The following NRG3 variants were observed in gnomAD, a reference collection of about 807,000 sequenced individuals.
NRG3 encodes the protein pro-neuregulin-3, membrane-bound isoform.
A neutral mutation model predicts 66.9 loss-of-function variants in NRG3; 31 were observed. That is an observed-to-expected ratio of 0.46 (90% CI 0.35 to 0.63). The LOEUF is 0.63. Among genes scored for constraint, NRG3 ranks in the 20% least tolerant of loss-of-function variants. The pLI is 0.00. For synonymous variants in NRG3, 393 were observed against 359.4 expected, an observed-to-expected ratio of 1.09 and a Z score of -1.06; for missense variants, 910 against 878.9, an observed-to-expected ratio of 1.04 and a Z score of -0.45.
intron 4 of NRG3, among the ~76,000 whole-genome samples, chr10:82,947,888 G>T (rs1849163918): frequency 6.6e-6 from 1 of 151,994 alleles, no homozygotes; most frequent in South Asian, 2.1e-4. Flanking sequence ...TCATAATGGT[G>T]TCTTTGAAGA....
At chr10:82,775,618 T>C (rs1054146899) in intron 3 of NRG3, among the ~76,000 whole-genome samples, 5 of 152,124 alleles carry the variant, frequency 3.3e-5, no homozygotes, top group African/African-American at 1.2e-4. Context: ...GTCTATTAGG[T>C]CAATTTGGTC....
intron 4 of NRG3, among the ~76,000 whole-genome samples, chr10:82,946,179 C>T (rs1372233230): frequency 2.0e-5 from 3 of 149,552 alleles, no homozygotes; most frequent in Admixed American, 6.7e-5. Flanking sequence ...TAGTGCAAGG[C>T]TCTTTGAACT....
intron 1 of NRG3, among the ~76,000 whole-genome samples, chr10:82,155,279 A>G (rs565725576): frequency 1.3e-5 from 2 of 151,922 alleles, no homozygotes; most frequent in South Asian, 4.1e-4. Flanking sequence ...GAAAAGGTCA[A>G]ATTACATTAA....
intron 1 of NRG3, among the ~76,000 whole-genome samples, chr10:82,199,806 A>T (rs977804070): frequency 6.6e-6 from 1 of 151,348 alleles, no homozygotes; most frequent in Non-Finnish European, 1.5e-5. Flanking sequence ...TAATTTCCAG[A>T]TTACATTTCT....
At chr10:82,807,198 A>G (rs1302192441) in intron 3 of NRG3, among the ~76,000 whole-genome samples, 4 of 152,194 alleles carry the variant, frequency 2.6e-5, no homozygotes, top group African/African-American at 9.6e-5. Context: ...GTCAAAGTAC[A>G]TAAAAAGACA....
chr10:82,499,891 AAG>A (rs2132330209), intron 2 of NRG3, among the ~76,000 whole-genome samples: 1 of 152,330 alleles, frequency 6.6e-6, no homozygotes, highest in East Asian at 1.9e-4. Context: ...TAATCTAACA[AAG>A]AGTTCTTGTG....
At chr10:82,758,445 G>A (rs1441033924) in intron 3 of NRG3, among the ~76,000 whole-genome samples, 1 of 152,064 alleles carries the variant, frequency 6.6e-6, no homozygotes, top group African/African-American at 2.4e-5. Context: ...AGGAAGAGAA[G>A]TATGTCAATG....
chr10:82,669,012 G>A (rs924653582), intron 2 of NRG3, among the ~76,000 whole-genome samples: 2 of 152,150 alleles, frequency 1.3e-5, no homozygotes, highest in South Asian at 4.2e-4. Context: ...TCAATCAGAG[G>A]CCCTTCTCCT....
chr10:82,081,214 A>C (rs2065371442), intron 1 of NRG3, among the ~76,000 whole-genome samples: 1 of 152,208 alleles, frequency 6.6e-6, no homozygotes, highest in Non-Finnish European at 1.5e-5. Context: ...TATGAACTCA[A>C]GGCTTTAGGA....
intron 1 of NRG3, among the ~76,000 whole-genome samples, chr10:82,010,877 C>T (rs1459897986): frequency 6.6e-6 from 1 of 152,118 alleles, no homozygotes; most frequent in Non-Finnish European, 1.5e-5. Context: ...TGAACAGAAG[C>T]CCCTCAACTT....
intron 1 of NRG3, among the ~76,000 whole-genome samples, chr10:81,911,603 G>GTTTTTTTTT (rs796518872): frequency 7.7e-5 from 6 of 77,964 alleles, no homozygotes; most frequent in South Asian, 5.5e-4. Context: ...GCACAGACTT[G>GTTTTTTTTT]TTTTTTTTTT....
At chr10:82,839,469 A>T (rs908226234) in intron 3 of NRG3, among the ~76,000 whole-genome samples, 2 of 151,886 alleles carry the variant, frequency 1.3e-5, no homozygotes, top group Non-Finnish European at 2.9e-5. Context: ...AATTTTAAAA[A>T]TTAAGAGAAG....
chr10:82,104,141 T>A (rs1469394093), intron 1 of NRG3, among the ~76,000 whole-genome samples: 1 of 152,194 alleles, frequency 6.6e-6, no homozygotes, highest in African/African-American at 2.4e-5. Context: ...TATTTACTTT[T>A]CAGAAGTAAT....
At chr10:82,907,201 T>C (rs1844820469) in intron 4 of NRG3, among the ~76,000 whole-genome samples, 1 of 152,342 alleles carries the variant, frequency 6.6e-6, no homozygotes, top group South Asian at 2.1e-4. Flanking sequence ...CTGTCTTCAC[T>C]GAGTTTTAGT....
At chr10:82,194,794 A>C (rs2074359475) in intron 1 of NRG3, among the ~76,000 whole-genome samples, 1 of 152,164 alleles carries the variant, frequency 6.6e-6, no homozygotes, top group Non-Finnish European at 1.5e-5. Context: ...AACAGGTATA[A>C]GGGCATTTCC....
intron 1 of NRG3, among the ~76,000 whole-genome samples, chr10:82,185,602 T>C (rs2073755392): frequency 6.6e-6 from 1 of 152,186 alleles, no homozygotes; most frequent in Admixed American, 6.5e-5. Flanking sequence ...ACAATAAACA[T>C]CTATTCATAC....
rs1307281003 is a variant in NRG3 at position 82,600,367 on chromosome 10, A to G, written c.954-138210A>G. Among the ~76,000 whole-genome samples, 4 of 152,352 alleles carry G rather than the reference A, an allele frequency of 2.6e-5. No homozygotes were observed. In the East Asian group the frequency reaches 5.8e-4, roughly 22 times the overall value. ...AATTACAATTTCCTTACCCTATTTC[A>G]AACAGCTGAATTGTTTTAATATACT... On this transcript the variant is annotated intron_variant, in intron 2 of 8. Transcript: ENST00000372141.
At chr10:81,882,382 A>G (rs1842256010) in intron 1 of NRG3, among the ~76,000 whole-genome samples, 1 of 152,188 alleles carries the variant, frequency 6.6e-6, no homozygotes, top group Admixed American at 6.6e-5. Flanking sequence ...AGGGACTCTC[A>G]TGGAAGGGTA....
intron 2 of NRG3, among the ~76,000 whole-genome samples, chr10:82,539,897 G>T (rs1304663569): frequency 6.6e-6 from 1 of 152,128 alleles, no homozygotes; most frequent in Non-Finnish European, 1.5e-5. Context: ...CTCGCAAAGT[G>T]CTGGGATTAC....
Sources: allele counts gnomAD v4.1 joint callset (sites outside exome capture counted in the v4.1 genomes callset), GRCh38; gene constraint gnomAD v4.1.1; transcripts MANE v1.5; gene names NCBI Gene and HGNC (gene_info 2026-07-23, HGNC 2026-07-21).